Variants in SERPINI2 observed in about 807,000 individuals in gnomAD.
The protein encoded by SERPINI2 is serpin I2.
A neutral mutation model predicts 47.3 loss-of-function variants in SERPINI2; 48 were observed. The observed-to-expected ratio is 1.02, with a 90% CI of 0.81 to 1.29. The LOEUF is 1.29. Among genes scored for constraint, SERPINI2 ranks in the 50% most tolerant of loss-of-function variants. SERPINI2 has a pLI of 0.00. For missense variants in SERPINI2, 448 were observed against 456.9 expected (o/e 0.98, Z 0.18); for synonymous variants, 135 against 149.3 (o/e 0.90, Z 0.70).
At chr3:167,458,245 C>CTTTTTTTTT (rs949215365) in intron 5 of SERPINI2, among the ~76,000 whole-genome samples, 6 of 105,216 alleles carry the variant, frequency 5.7e-5, no homozygotes, top group East Asian at 2.7e-4. Flanking sequence ...GAATTTCTTT[C>CTTTTTTTTT]TTTTTTTTTT....
upstream of SERPINI2, among the ~76,000 whole-genome samples, chr3:167,474,882 T>C (rs1750445550): frequency 6.6e-6 from 1 of 151,722 alleles, no homozygotes; most frequent in Non-Finnish European, 1.5e-5. Flanking sequence ...AAAAATTTAG[T>C]TCACTTTTAA....
chr3:167,471,074 A>AT (rs562706322), intron 2 of SERPINI2, among the ~76,000 whole-genome samples: 1 of 151,908 alleles, frequency 6.6e-6, no homozygotes, highest in African/African-American at 2.4e-5. Flanking sequence ...GATGAGGTGC[A>AT]TTTTTTTTAA....
At chr3:167,474,940 A>G (rs1750446307), upstream of SERPINI2, among the ~76,000 whole-genome samples, 1 of 151,728 alleles carries the variant, frequency 6.6e-6, no homozygotes. Flanking sequence ...TGATAAACTC[A>G]TGTAAAAGAA....
intron 6 of SERPINI2, among the ~76,000 whole-genome samples, chr3:167,452,273 TCATC>T (rs1426409361): frequency 6.6e-6 from 1 of 152,192 alleles, no homozygotes; most frequent in African/African-American, 2.4e-5. Flanking sequence ...CTGGCTCTCT[TCATC>T]CATTTTTTTA....
chr3:167,449,745 G>T (rs1278520915), intron 6 of SERPINI2, among the ~76,000 whole-genome samples: 1 of 152,120 alleles, frequency 6.6e-6, no homozygotes, highest in Non-Finnish European at 1.5e-5. Flanking sequence ...CACCCGCCTT[G>T]GCCTCCCAAA....
exon 9 of SERPINI2, chr3:167,442,155 T>G: frequency 1.2e-6 from 2 of 1,601,398 alleles, no homozygotes; most frequent in Non-Finnish European, 1.7e-6. Context: ...GGTGTCAGGA[T>G]TTGTCACTCT....
chr3:167,473,846 A>G (rs973674508), intron 1 of SERPINI2, 157 bp downstream of exon 1: 28 of 1,324,554 alleles, frequency 2.1e-5, no homozygotes, highest in Non-Finnish European at 2.6e-5. Flanking sequence ...TGGTGAAATC[A>G]TTTAAGGAGA....
At chr3:167,473,836 TG>T in intron 1 of SERPINI2, 166 bp downstream of exon 1, 1 of 1,364,442 alleles carries the variant, frequency 7.3e-7, no homozygotes. Context: ...TTCTGATTTG[TG>T]GTGAAATCAT....
chr3:167,456,794 C>T (rs1749807444), intron 5 of SERPINI2, among the ~76,000 whole-genome samples: 1 of 152,086 alleles, frequency 6.6e-6, no homozygotes, highest in African/African-American at 2.4e-5. Flanking sequence ...TGGGGGGCCA[C>T]CTATTACAAT....
At chr3:167,468,365 A>G (rs1170550566) in intron 2 of SERPINI2, among the ~76,000 whole-genome samples, 1 of 151,834 alleles carries the variant, frequency 6.6e-6, no homozygotes, top group Non-Finnish European at 1.5e-5. Context: ...TTAAATCAGA[A>G]AGCTAGCAGC....
intron 5 of SERPINI2, among the ~76,000 whole-genome samples, chr3:167,458,040 C>G (rs542533467): frequency 1.3e-5 from 2 of 152,280 alleles, no homozygotes; most frequent in East Asian, 3.9e-4. Context: ...CATTGTCTTA[C>G]TTGGACATAT....
intron 5 of SERPINI2, among the ~76,000 whole-genome samples, chr3:167,459,627 GTCAC>G (rs1195709387): frequency 6.6e-6 from 1 of 150,516 alleles, no homozygotes; most frequent in Non-Finnish European, 1.5e-5. Context: ...AATCTAAATA[GTCAC>G]TCACATGCTC....
intron 7 of SERPINI2, among the ~76,000 whole-genome samples, chr3:167,448,116 G>A (rs771546994): frequency 2.6e-5 from 4 of 152,146 alleles, no homozygotes; most frequent in Non-Finnish European, 4.4e-5. Context: ...AATTATTTTA[G>A]GGCTTTTTTC....
At chr3:167,460,819 TTC>T (rs1357836752) in intron 5 of SERPINI2, among the ~76,000 whole-genome samples, 10 of 152,166 alleles carry the variant, frequency 6.6e-5, no homozygotes, top group Non-Finnish European at 1.2e-4. Flanking sequence ...AATATAGAAT[TTC>T]TTTCCTTGAA....
intron 7 of SERPINI2, 63 bp from the exon 8 acceptor site, chr3:167,446,544 T>A (rs1213930303): frequency 1.9e-6 from 2 of 1,057,912 alleles, no homozygotes; most frequent in African/African-American, 3.2e-5. Context: ...AGAAAGTATA[T>A]TCATAATACA....
rs1749573959 is a variant in SERPINI2 at position 167,449,303 on chromosome 3, T to G, written c.1051+13A>C. 1 of 1,588,952 alleles carries G rather than the reference T, an allele frequency of 6.3e-7. No individual in the cohort carries two copies. The highest frequency in any genetic ancestry group is 1.1e-5 in the South Asian group (1 of 90,492). On this transcript the variant is annotated intron_variant, in intron 7 of 8. Coordinates refer to ENST00000264677, the Ensembl canonical transcript of SERPINI2. ...TGTTTCCTTCTAGCTTGGCCAGAAATCATTCACCCTACCAGTTGATGTTGC... is the reference window on the plus strand; with the variant it reads ...TGTTTCCTTCTAGCTTGGCCAGAAAGCATTCACCCTACCAGTTGATGTTGC...
chr3:167,441,989 C>A, exon 9 of SERPINI2: 1 of 658,860 alleles, frequency 1.5e-6, no homozygotes, highest in Non-Finnish European at 2.4e-6. Context: ...TCTATTACTA[C>A]AGGCACAGTT....
At position 167,455,376 on chromosome 3, in the gene SERPINI2, A is replaced by T. The variant is rs534874533; in HGVS notation, c.867-2343T>A. Among the ~76,000 whole-genome samples, 9 of 152,330 alleles carry T rather than the reference A, an allele frequency of 5.9e-5. 1 individual carries two copies. The South Asian group carries it at 1.9e-3, about 32-fold the overall frequency. Reference sequence around the variant, plus strand: ...AAAAACAATCCCAATTTTTGTTTTAAGAATGACCTACTTCTGGCCTCCAGG... The same window carrying T: ...AAAAACAATCCCAATTTTTGTTTTATGAATGACCTACTTCTGGCCTCCAGG... On this transcript the variant is annotated intron_variant, in intron 5 of 8. Transcript: ENST00000264677.
At chr3:167,457,411 A>G (rs190844378) in intron 5 of SERPINI2, among the ~76,000 whole-genome samples, 22 of 152,346 alleles carry the variant, frequency 1.4e-4, no homozygotes, top group African/African-American at 5.0e-4. Context: ...TTGAGCCTGG[A>G]ACCCCCAAAC....
Sources: gnomAD v4.1 joint callset for allele counts (sites outside exome capture counted in the v4.1 genomes callset) on GRCh38, gnomAD v4.1.1 for gene constraint, MANE v1.5 for transcripts, NCBI Gene and HGNC (gene_info 2026-07-23, HGNC 2026-07-21) for gene names.